Variants in DLG2 observed in about 807,000 individuals in gnomAD.
DLG2 encodes the protein disks large homolog 2.
DLG2 carries 45 observed loss-of-function variants against 132.5 expected under a neutral mutation model. The observed-to-expected ratio is 0.34, with a 90% CI of 0.27 to 0.44. DLG2 has a LOEUF of 0.44. Ranked by LOEUF, DLG2 falls within the 20% of genes least tolerant of loss-of-function variation. The pLI is 1.00. For missense variants in DLG2, 1,045 were observed against 1,196.9 expected (o/e 0.87, Z 1.87); for synonymous variants, 424 against 419.6 (o/e 1.01, Z -0.13).
At chr11:84,822,820 T>G (rs1027941448) in intron 6 of DLG2, among the ~76,000 whole-genome samples, 4 of 151,970 alleles carry the variant, frequency 2.6e-5, no homozygotes, top group African/African-American at 9.7e-5. Flanking sequence ...TAAAAGGTAC[T>G]GTTATTTGAT....
chr11:84,774,286 A>T (rs2069992726), intron 6 of DLG2, among the ~76,000 whole-genome samples: 1 of 152,140 alleles, frequency 6.6e-6, no homozygotes, highest in Non-Finnish European at 1.5e-5. Context: ...AAATAAAAAA[A>T]CAACAGATGA....
At chr11:84,588,222 A>G (rs1341580896) in intron 6 of DLG2, among the ~76,000 whole-genome samples, 2 of 152,194 alleles carry the variant, frequency 1.3e-5, no homozygotes, top group African/African-American at 2.4e-5. Flanking sequence ...AGAGAATAAG[A>G]AGATGCAGTT....
intron 6 of DLG2, among the ~76,000 whole-genome samples, chr11:84,634,856 C>T (rs1433975946): frequency 6.6e-6 from 1 of 152,170 alleles, no homozygotes; most frequent in African/African-American, 2.4e-5. Context: ...TCCTCTCAAT[C>T]TGCTTCAACA....
intron 6 of DLG2, among the ~76,000 whole-genome samples, chr11:84,605,977 A>G (rs1420704532): frequency 1.3e-5 from 2 of 151,954 alleles, no homozygotes; most frequent in Admixed American, 6.6e-5. Context: ...TCTTTTTTGA[A>G]TGTCTTCAGT....
At chr11:85,448,128 G>A (rs17810667) in intron 3 of DLG2, among the ~76,000 whole-genome samples, 3,887 of 152,116 alleles carry the variant, frequency 0.026, 81 homozygotes, top group Non-Finnish European at 0.042. Context: ...AAATTAAAGC[G>A]ATTTTTATAC....
At chr11:84,558,397 A>G (rs10898262) in intron 6 of DLG2, among the ~76,000 whole-genome samples, 30,520 of 152,018 alleles carry the variant, frequency 0.2, 3,170 homozygotes, top group South Asian at 0.31. Flanking sequence ...TCTTATGGGT[A>G]TAGCACACAT....
intron 6 of DLG2, among the ~76,000 whole-genome samples, chr11:84,536,107 G>T (rs1449581339): frequency 6.6e-6 from 1 of 152,106 alleles, no homozygotes; most frequent in Non-Finnish European, 1.5e-5. Flanking sequence ...CTGGGGCAAG[G>T]TAGGCTTTCT....
At chr11:84,331,458 A>ATAAATAAAT (rs1555509072) in intron 7 of DLG2, among the ~76,000 whole-genome samples, 12 of 139,182 alleles carry the variant, frequency 8.6e-5, no homozygotes, top group African/African-American at 3.2e-4. Context: ...AAAAAAAAAA[A>ATAAATAAAT]AAATAAATAA....
At chr11:85,509,221 T>A (rs1054018145) in intron 3 of DLG2, among the ~76,000 whole-genome samples, 1 of 152,044 alleles carries the variant, frequency 6.6e-6, no homozygotes, top group Non-Finnish European at 1.5e-5. Flanking sequence ...AAGAAATAAA[T>A]CTAACAGAAA....
chr11:84,000,460 T>C (rs2094287700), intron 11 of DLG2, among the ~76,000 whole-genome samples: 1 of 151,926 alleles, frequency 6.6e-6, no homozygotes, highest in East Asian at 1.9e-4. Flanking sequence ...TAACATAATA[T>C]TGCATGAAAA....
intron 3 of DLG2, among the ~76,000 whole-genome samples, chr11:85,399,222 G>A (rs1242014330): frequency 6.6e-6 from 1 of 152,078 alleles, no homozygotes; most frequent in Non-Finnish European, 1.5e-5. Context: ...CCAACTTCCA[G>A]GGGATATGAA....
At chr11:84,428,846 T>C (rs1273629590) in intron 7 of DLG2, among the ~76,000 whole-genome samples, 3 of 152,170 alleles carry the variant, frequency 2.0e-5, no homozygotes, top group African/African-American at 4.8e-5. Context: ...TCCTCAACTA[T>C]AAGCTTGTAA....
At chr11:83,883,726 C>A (rs2066950431) in intron 15 of DLG2, among the ~76,000 whole-genome samples, 1 of 151,520 alleles carries the variant, frequency 6.6e-6, no homozygotes, top group Non-Finnish European at 1.5e-5. Flanking sequence ...AGCTATACAT[C>A]ATTCTTCTAG....
chr11:83,790,194 C>T, intron 17 of DLG2: 2 of 869,676 alleles, frequency 2.3e-6, no homozygotes, highest in Non-Finnish European at 3.7e-6. Flanking sequence ...GAGTCCCTGA[C>T]TGAATGCTCA....
chr11:83,652,927 T>C (rs2071062433), intron 18 of DLG2, among the ~76,000 whole-genome samples: 1 of 152,204 alleles, frequency 6.6e-6, no homozygotes, highest in Non-Finnish European at 1.5e-5. Context: ...TATGCTCTCT[T>C]TTAATTCTTT....
chr11:84,110,795 T>A (rs1452138368), intron 9 of DLG2, among the ~76,000 whole-genome samples: 1 of 152,192 alleles, frequency 6.6e-6, no homozygotes. Flanking sequence ...CTCCCTGTAG[T>A]TGGCAGTCTG....
At chr11:85,379,607 T>C (rs1270102529) in intron 3 of DLG2, among the ~76,000 whole-genome samples, 2 of 152,164 alleles carry the variant, frequency 1.3e-5, no homozygotes, top group African/African-American at 2.4e-5. Flanking sequence ...CCAATAAAAA[T>C]GAAACATTAA....
chr11:85,347,797 CTTTTTTTTTTT>C (rs1168590401), intron 3 of DLG2, among the ~76,000 whole-genome samples: 3 of 94,964 alleles, frequency 3.2e-5, no homozygotes, highest in African/African-American at 8.6e-5. Context: ...AAGAGGCACT[CTTTTTTTTTTT>C]TTTTTTTTTT....
chr11:83,469,166 C>A, intron 25 of DLG2, 35 bp downstream of exon 25: 1 of 1,489,336 alleles, frequency 6.7e-7, no homozygotes, highest in Non-Finnish European at 9.0e-7. Context: ...TAGAAACCTT[C>A]TTCAGGGGAG....
Sources: allele counts gnomAD v4.1 joint callset (sites outside exome capture counted in the v4.1 genomes callset), GRCh38; gene constraint gnomAD v4.1.1; transcripts MANE v1.5; gene names NCBI Gene and HGNC (gene_info 2026-07-23, HGNC 2026-07-21).